The following AXL variants were observed in gnomAD, a reference collection of about 807,000 sequenced individuals.
The protein encoded by AXL is AXL receptor tyrosine kinase.
AXL carries 52 observed loss-of-function variants against 104.5 expected under a neutral mutation model. The observed-to-expected ratio is 0.50, with a 90% CI of 0.40 to 0.63. The LOEUF is 0.63. AXL is among the 20% of genes least tolerant of loss of function. The pLI, the probability that AXL is intolerant of heterozygous loss-of-function variation, is 0.00. For synonymous variants in AXL, 455 were observed against 473.7 expected, an observed-to-expected ratio of 0.96 and a Z score of 0.51; for missense variants, 1,024 against 1,188.5, an observed-to-expected ratio of 0.86 and a Z score of 2.04.
At position 41,219,295 on chromosome 19, in the gene AXL, TC is replaced by T; in HGVS notation, c.-96del. On this transcript the variant is annotated 5_prime_UTR_variant, in exon 1 of 20. Transcript: ENST00000301178. ...GCTGTGCCAGGCAGGCAGTGCCAAATCCGGGGAGCCTGGAGCTGGGGGGAGG... is the reference window on the plus strand; with the variant it reads ...GCTGTGCCAGGCAGGCAGTGCCAAATCGGGGAGCCTGGAGCTGGGGGGAGG... 2 of 1,245,156 alleles carry T rather than the reference TC, an allele frequency of 1.6e-6. No homozygotes were observed. Among genetic ancestry groups the T allele is most frequent in the Admixed American group, 2.8e-5 (1 of 36,124 alleles). 77.1% of individuals were successfully genotyped at this position (1,245,156 alleles called of 1,614,324 possible). A position where few individuals can be genotyped will look rare whatever the true frequency, so the allele number is the denominator to read the frequency against.
At chr19:41,236,771 C>T (rs373095582) in intron 6 of AXL, among the ~76,000 whole-genome samples, 11 of 142,830 alleles carry the variant, frequency 7.7e-5, no homozygotes, top group African/African-American at 3.0e-4. Flanking sequence ...AGCAAGACTC[C>T]CTCTCCAAAA....
intron 19 of AXL, 55 bp downstream of exon 19, chr19:41,257,684 C>T (rs767039168): frequency 6.2e-7 from 1 of 1,606,712 alleles, no homozygotes; most frequent in African/African-American, 1.3e-5. Context: ...CCCTGACTAC[C>T]CCCAGATGGC....
At position 41,226,181 on chromosome 19, in the gene AXL, G is replaced by C. The variant is rs1457881752; in HGVS notation, c.586+4125G>C. ...CCGGCCGGAAGCGCTGGGGTGGGGA[G>C]GTGCCCCCGGTGACTCACGCGGGGG... On this transcript the variant is annotated intron_variant, in intron 4 of 19. Transcript: ENST00000301178. Among the ~76,000 whole-genome samples, 8 of 152,186 alleles carry C rather than the reference G, an allele frequency of 5.3e-5. No individual in the cohort carries two copies. The East Asian group carries it at 1.5e-3, about 29-fold the overall frequency.
At chr19:41,243,135 G>A in intron 11 of AXL, 120 bp downstream of exon 11, 1 of 1,440,268 alleles carries the variant, frequency 6.9e-7, no homozygotes, top group Non-Finnish European at 9.4e-7. Context: ...GAGGGCAAGG[G>A]AAGCCAGGCG....
Position 41,238,486 on chromosome 19 carries a change from T to C in AXL, c.1011T>C (p.Pro337=), listed in dbSNP as rs750863955. The C allele has an allele frequency of 9.9e-6, 16 of 1,612,558 alleles. No individual in the cohort carries two copies. In the East Asian group the frequency reaches 2.0e-4, roughly 20 times the overall value. ...GTCCTCCAGTGCCCCTGGGCCCCCCTGAGAACATTAGTGCTACGCGGAATG... is the reference window on the plus strand; with the variant it reads ...GTCCTCCAGTGCCCCTGGGCCCCCCCGAGAACATTAGTGCTACGCGGAATG... ...ETPEGVPLGP[P]ENISATRNGS... is the part of the protein sequence containing the mutation. The change falls in exon 8 of 20, where the codon CCT becomes CCC. Residue 337 remains proline (P), a synonymous_variant. Coordinates refer to ENST00000301178, the MANE Select transcript of AXL (RefSeq NM_021913.5).
intron 11 of AXL, 112 bp from the exon 12 acceptor site, chr19:41,243,504 G>A: frequency 1.2e-6 from 1 of 843,402 alleles, no homozygotes; most frequent in Non-Finnish European, 2.1e-6. Flanking sequence ...GCAAATGTTA[G>A]CACAGAGGGC....
In AXL at chr19:41,239,763, C is replaced by T. The variant is rs766937879; in HGVS notation, c.1312+43C>T. The T allele has an allele frequency of 9.3e-6, 15 of 1,610,680 alleles. No individual in the cohort carries two copies. In the African/African-American group the frequency reaches 1.7e-4, roughly 19 times the overall value. ...CCATCTCCTCCTTCCCTACCCTCAA[C>T]ACCTAGTGGGGGCACTGTCACCATG... On this transcript the variant is annotated intron_variant, in intron 10 of 19. Coordinates refer to ENST00000301178, the MANE Select transcript of AXL (RefSeq NM_021913.5).
In AXL at chr19:41,252,869, CGA is replaced by C; in HGVS notation, c.1834_1835del (p.Ser612LeufsTer70). The C allele has an allele frequency of 2.5e-6, 4 of 1,614,056 alleles. No homozygotes were observed. Among genetic ancestry groups the C allele is most frequent in the Non-Finnish European group, 3.4e-6 (4 of 1,180,000 alleles). ...LIGVCFQGSE[R>X]ESFPAPVVIL... The stretch of plus-strand genomic sequence containing the variant: ...AGGTGTCTGTTTCCAGGGTTCTGAA[CGA>C]GAGAGCTTCCCAGCACCTGTGGTCA... On this transcript the variant is annotated frameshift_variant, in exon 16 of 20. Coordinates refer to ENST00000301178, the MANE Select transcript of AXL (RefSeq NM_021913.5). LOFTEE classifies it high-confidence loss of function.
At chr19:41,238,667 A>G in intron 8 of AXL, 58 bp downstream of exon 8, 1 of 1,549,154 alleles carries the variant, frequency 6.5e-7, no homozygotes, top group Non-Finnish European at 8.8e-7. Context: ...AGGAGAACAT[A>G]TCAGGGCAGA....
At chr19:41,222,458 G>A (rs938036435) in intron 4 of AXL, among the ~76,000 whole-genome samples, 5 of 152,100 alleles carry the variant, frequency 3.3e-5, no homozygotes, top group Non-Finnish European at 7.4e-5. Context: ...CCCAAGCAGG[G>A]CACCGGAATC....
At chr19:41,228,561 G>GA (rs537428864) in intron 4 of AXL, among the ~76,000 whole-genome samples, 2 of 151,850 alleles carry the variant, frequency 1.3e-5, no homozygotes, top group Non-Finnish European at 2.9e-5. Context: ...AAAAACAAAA[G>GA]AAAAAAACAG....
Position 41,260,072 on chromosome 19 carries a change from T to C in AXL, c.*168T>C, listed in dbSNP as rs1568420404. ...CAGGTCCCTCCCCTTCTCTGTGCAG[T>C]AGCATCACCTTGAAAGCAGTAGCAT... On this transcript the variant is annotated 3_prime_UTR_variant, in exon 20 of 20. Coordinates refer to ENST00000301178, the MANE Select transcript of AXL (RefSeq NM_021913.5). 3.4e-6 allele frequency: 2 copies of C among 591,982 alleles called. No individual in the cohort carries two copies. Among genetic ancestry groups the C allele is most frequent in the Non-Finnish European group, 2.9e-6 (1 of 344,850 alleles). The allele number at this position is 591,982 out of a possible 1,614,324, so 36.7% of individuals were successfully genotyped here.
intron 19 of AXL, 45 bp downstream of exon 19, chr19:41,257,674 C>T (rs754104867): frequency 6.2e-7 from 1 of 1,610,978 alleles, no homozygotes; most frequent in African/African-American, 1.3e-5. Context: ...CATTCCAAAC[C>T]CCTGACTACC....
At position 41,257,579 on chromosome 19, in the gene AXL, T is replaced by C; in HGVS notation, c.2283T>C (p.Tyr761=). The change falls in exon 19 of 20, where the codon TAT becomes TAC. Residue 761 remains tyrosine, a synonymous_variant. Coordinates refer to ENST00000301178, the MANE Select transcript of AXL (RefSeq NM_021913.5). Reference sequence around the variant, plus strand: ...TGGAGAACAGCGAGATTTATGACTATCTGCGCCAGGGAAATCGCCTGAAGC... The same window carrying C: ...TGGAGAACAGCGAGATTTATGACTACCTGCGCCAGGGAAATCGCCTGAAGC... The part of the protein sequence containing the change: ...PGVENSEIYD[Y]LRQGNRLKQP... 6.2e-7 allele frequency: 1 copy of C among 1,614,164 alleles called. No homozygotes were observed. The highest frequency in any genetic ancestry group is 8.5e-7 in the Non-Finnish European group (1 of 1,180,022).
At chr19:41,225,095 C>A (rs992854913) in intron 4 of AXL, among the ~76,000 whole-genome samples, 1 of 152,190 alleles carries the variant, frequency 6.6e-6, no homozygotes, top group South Asian at 2.1e-4. Context: ...CTTCCGCCTC[C>A]GGGGTTCAAG....
At chr19:41,252,703 G>C (rs2034385350) in intron 15 of AXL, 143 bp from the exon 16 acceptor site, 2 of 1,448,310 alleles carry the variant, frequency 1.4e-6, no homozygotes, top group African/African-American at 1.4e-5. Flanking sequence ...CTGCAGCTTG[G>C]TCCTTGCCAC....
Position 41,257,465 on chromosome 19 carries a change from ACTGT to A in AXL, c.2197-25_2197-22del, listed in dbSNP as rs567242282. On this transcript the variant is annotated intron_variant, in intron 18 of 19. Transcript: ENST00000301178. ...GTGCGGGTGATTCTGTGCAGGAGAG[ACTGT>A]CTAATTCCCTCTGCCCCTCACAGTG... 4.0e-4 allele frequency: 653 copies of A among 1,613,992 alleles called. 6 individuals carry two copies. The South Asian group carries it at 6.3e-3, about 16-fold the overall frequency.
intron 1 of AXL, among the ~76,000 whole-genome samples, chr19:41,219,894 T>A (rs1479001554): frequency 6.6e-6 from 1 of 151,688 alleles, no homozygotes; most frequent in Non-Finnish European, 1.5e-5. Flanking sequence ...CGCTTCTCCC[T>A]GCCAACACCA....
intron 19 of AXL, 45 bp downstream of exon 19, chr19:41,257,674 C>A: frequency 6.2e-7 from 1 of 1,611,096 alleles, no homozygotes; most frequent in Non-Finnish European, 8.5e-7. Flanking sequence ...CATTCCAAAC[C>A]CCTGACTACC....
Sources: allele counts gnomAD v4.1 joint callset (sites outside exome capture counted in the v4.1 genomes callset), GRCh38; gene constraint gnomAD v4.1.1; transcripts MANE v1.5; gene names NCBI Gene and HGNC (gene_info 2026-07-23, HGNC 2026-07-21).